Variants in TNS3 observed in about 807,000 individuals in gnomAD.
TNS3 encodes tensin 3.
A neutral mutation model predicts 140.9 loss-of-function variants in TNS3; 45 were observed. That is an observed-to-expected ratio of 0.32 (90% CI 0.25 to 0.41). TNS3 has a LOEUF of 0.41. Among genes scored for constraint, TNS3 ranks in the 10% least tolerant of loss-of-function variants. The pLI is 1.00. For missense variants in TNS3, 1,716 were observed against 1,906.7 expected, an observed-to-expected ratio of 0.90 and a Z score of 1.86; for synonymous variants, 815 against 788.4, an observed-to-expected ratio of 1.03 and a Z score of -0.56.
chr7:47,576,021 C>T (rs563236939), intron 1 of TNS3, among the ~76,000 whole-genome samples: 1 of 152,164 alleles, frequency 6.6e-6, no homozygotes, highest in South Asian at 2.1e-4. Context: ...CCCCTTTCCT[C>T]CAGCCCTGTC....
At chr7:47,515,232 A>G (rs1044671626) in intron 2 of TNS3, among the ~76,000 whole-genome samples, 2 of 152,224 alleles carry the variant, frequency 1.3e-5, no homozygotes, top group East Asian at 1.9e-4. Context: ...TGTGAAAGTC[A>G]GGGACCTGAA....
chr7:47,462,129 C>G (rs1796515593), intron 4 of TNS3, among the ~76,000 whole-genome samples: 1 of 152,212 alleles, frequency 6.6e-6, no homozygotes, highest in Non-Finnish European at 1.5e-5. Flanking sequence ...ACTGATACTT[C>G]AGTTCAATAA....
chr7:47,281,275 T>C (rs1465915796), intron 28 of TNS3, among the ~76,000 whole-genome samples: 1 of 152,174 alleles, frequency 6.6e-6, no homozygotes, highest in African/African-American at 2.4e-5. Flanking sequence ...CATGACCACC[T>C]GGGGCATTCT....
At chr7:47,360,136 A>G (rs562784148) in intron 17 of TNS3, among the ~76,000 whole-genome samples, 4 of 152,204 alleles carry the variant, frequency 2.6e-5, no homozygotes, top group Admixed American at 6.5e-5. Context: ...CCCCAAGCAG[A>G]CTGGAGTTTC....
chr7:47,277,790 C>T lies in TNS3; in HGVS notation c.*286G>A, dbSNP rs759048023. The stretch of plus-strand genomic sequence containing the variant: ...TTCTGTGCTGTTTCCTTGCATGTCC[C>T]TTTCCCATGGGGACCCTAGGGGGTG... On this transcript the variant is annotated 3_prime_UTR_variant, in exon 31 of 31. Transcript: ENST00000311160. 11 of 476,382 alleles carry T rather than the reference C, an allele frequency of 2.3e-5. No homozygotes were observed. The highest frequency in any genetic ancestry group is 1.6e-4 in the Admixed American group (5 of 31,178). The allele number at this position is 476,382 out of a possible 1,614,324, so 29.5% of individuals were successfully genotyped here.
At chr7:47,326,052 A>T (rs778493039) in intron 20 of TNS3, among the ~76,000 whole-genome samples, 1 of 152,218 alleles carries the variant, frequency 6.6e-6, no homozygotes, top group South Asian at 2.1e-4. Context: ...ACAGGTGCCA[A>T]TCTGAATGTC....
chr7:47,416,256 G>A (rs949096268), intron 10 of TNS3, among the ~76,000 whole-genome samples: 2 of 152,210 alleles, frequency 1.3e-5, no homozygotes, highest in African/African-American at 4.8e-5. Context: ...TGACTGTGTT[G>A]CCAGCACCTA....
At chr7:47,477,135 C>T (rs1391932415) in intron 4 of TNS3, among the ~76,000 whole-genome samples, 1 of 152,180 alleles carries the variant, frequency 6.6e-6, no homozygotes, top group Non-Finnish European at 1.5e-5. Context: ...CCCTTACAGT[C>T]CTGTCCTGGG....
chr7:47,398,801 T>C (rs1244902217), intron 15 of TNS3, among the ~76,000 whole-genome samples: 1 of 152,068 alleles, frequency 6.6e-6, no homozygotes, highest in African/African-American at 2.4e-5. Flanking sequence ...CTATTCAACA[T>C]AGTACTGGAA....
rs1469331833 is a variant in TNS3, at chr7:47,275,245, T to C, written c.*2831A>G. Reference sequence around the variant, plus strand: ...ATACAAAAGATTTATAGAACATTCATTTACATACTGGATATATTCTTTACA... The same window carrying C: ...ATACAAAAGATTTATAGAACATTCACTTACATACTGGATATATTCTTTACA... On this transcript the variant is annotated 3_prime_UTR_variant, in exon 31 of 31. Coordinates refer to ENST00000311160, the MANE Select transcript of TNS3 (RefSeq NM_022748.12). 1.3e-5 allele frequency: 2 copies of C among 152,670 alleles called. No individual in the cohort carries two copies. Among genetic ancestry groups the C allele is most frequent in the East Asian group, 3.8e-4 (2 of 5,208 alleles). 9.5% of individuals were successfully genotyped at this position (152,670 alleles called of 1,614,324 possible).
intron 2 of TNS3, among the ~76,000 whole-genome samples, chr7:47,521,116 G>C (rs1798959964): frequency 6.6e-6 from 1 of 152,158 alleles, no homozygotes; most frequent in South Asian, 2.1e-4. Context: ...AGTCGGCCCA[G>C]GGGAGCAGAT....
At chr7:47,292,140 A>G in intron 26 of TNS3, 108 bp from the exon 27 acceptor site, 1 of 1,096,470 alleles carries the variant, frequency 9.1e-7, no homozygotes, top group Non-Finnish European at 1.4e-6. Context: ...GTGACATGCA[A>G]TGGTTTTGCA....
intron 28 of TNS3, among the ~76,000 whole-genome samples, chr7:47,282,831 A>G (rs1303236333): frequency 1.3e-5 from 2 of 152,028 alleles, no homozygotes; most frequent in East Asian, 3.9e-4. Flanking sequence ...CTGAAGCTAC[A>G]GAGGGGAAGA....
At chr7:47,464,272 G>C (rs1796610595) in intron 4 of TNS3, among the ~76,000 whole-genome samples, 1 of 152,190 alleles carries the variant, frequency 6.6e-6, no homozygotes, top group African/African-American at 2.4e-5. Context: ...AACACACTGA[G>C]GACTCTGGCA....
intron 1 of TNS3, among the ~76,000 whole-genome samples, chr7:47,566,340 A>G (rs992276061): frequency 1.3e-5 from 2 of 152,228 alleles, no homozygotes; most frequent in African/African-American, 2.4e-5. Context: ...CAGTTACAAT[A>G]GCGTGCTGCC....
At chr7:47,371,012 G>T (rs1241282769) in intron 16 of TNS3, among the ~76,000 whole-genome samples, 1 of 152,190 alleles carries the variant, frequency 6.6e-6, no homozygotes, top group East Asian at 1.9e-4. Flanking sequence ...CCCACGCCAG[G>T]CTTTCTTCTT....
intron 3 of TNS3, among the ~76,000 whole-genome samples, chr7:47,499,694 C>T (rs1393784779): frequency 1.3e-5 from 2 of 152,182 alleles, no homozygotes; most frequent in East Asian, 1.9e-4. Context: ...AAAAGGTCAG[C>T]GGCTGCCGGG....
At chr7:47,316,081 C>T (rs1318988356) in intron 20 of TNS3, among the ~76,000 whole-genome samples, 2 of 141,206 alleles carry the variant, frequency 1.4e-5, no homozygotes, top group Non-Finnish European at 3.0e-5. Flanking sequence ...AGACTATCCA[C>T]CTAACTAACT....
intron 20 of TNS3, among the ~76,000 whole-genome samples, chr7:47,337,412 G>T (rs941251961): frequency 2.6e-5 from 4 of 152,130 alleles, no homozygotes; most frequent in African/African-American, 9.7e-5. Flanking sequence ...ATCTGCAGAG[G>T]AATTTTATGG....
Sources: allele counts gnomAD v4.1 joint callset (sites outside exome capture counted in the v4.1 genomes callset), GRCh38; gene constraint gnomAD v4.1.1; transcripts MANE v1.5; gene names NCBI Gene and HGNC (gene_info 2026-07-23, HGNC 2026-07-21).